The following NRXN3 variants were observed in gnomAD, a reference collection of about 807,000 sequenced individuals.
The protein encoded by NRXN3 is neurexin 3.
Under a neutral mutation model 137.6 loss-of-function variants are expected in NRXN3, and 32 were observed. The observed-to-expected ratio is 0.23, with a 90% confidence interval of 0.18 to 0.31. The LOEUF (loss-of-function observed/expected upper bound fraction) is 0.31, where lower values mean the gene tolerates loss of function less well. Among genes scored for constraint, NRXN3 ranks in the 10% least tolerant of loss-of-function variants. The pLI, the probability that NRXN3 is intolerant of heterozygous loss-of-function variation, is 1.00. For synonymous variants in NRXN3, 798 were observed against 784.5 expected, an observed-to-expected ratio of 1.02 and a Z score of -0.29; for missense variants, 1,574 against 2,062.5, an observed-to-expected ratio of 0.76 and a Z score of 4.59.
At chr14:79,484,261 G>T (rs958818359) in intron 16 of NRXN3, among the ~76,000 whole-genome samples, 1 of 152,180 alleles carries the variant, frequency 6.6e-6, no homozygotes, top group African/African-American at 2.4e-5. Context: ...TTGGTGATTT[G>T]CATACAGAAG....
At chr14:78,927,576 G>C (rs2099309394) in intron 10 of NRXN3, among the ~76,000 whole-genome samples, 1 of 152,054 alleles carries the variant, frequency 6.6e-6, no homozygotes, top group African/African-American at 2.4e-5. Flanking sequence ...TGAGAGTTTT[G>C]GCTCTTGAGC....
intron 4 of NRXN3, among the ~76,000 whole-genome samples, chr14:78,459,445 G>T (rs897341327): frequency 6.6e-6 from 1 of 152,176 alleles, no homozygotes; most frequent in Non-Finnish European, 1.5e-5. Flanking sequence ...AATCTCATCA[G>T]CCTCTCGTCC....
At chr14:79,219,207 C>T (rs1475902821) in intron 15 of NRXN3, among the ~76,000 whole-genome samples, 1 of 152,168 alleles carries the variant, frequency 6.6e-6, no homozygotes, top group African/African-American at 2.4e-5. Context: ...ACTGTAATCT[C>T]GAACTCCTGC....
Position 79,711,091 on chromosome 14 carries a change from T to TATG in NRXN3, c.4014+13155_4014+13157dup, listed in dbSNP as rs1179116312. On this transcript the variant is annotated intron_variant, in intron 19 of 20. Transcript: ENST00000335750. Reference sequence around the variant, plus strand: ...GACCAAATTTCAAATGTAAACAATATATGTTTTGACTAAAAAAGACAGAAA... The same window carrying TATG: ...GACCAAATTTCAAATGTAAACAATATATGATGTTTTGACTAAAAAAGACAGAAA... Among the ~76,000 whole-genome samples the TATG allele has an allele frequency of 2.0e-5, 3 of 152,292 alleles. No individual in the cohort carries two copies. The East Asian group carries it at 5.8e-4, about 29-fold the overall frequency.
At chr14:79,131,820 A>T (rs2057526928) in intron 15 of NRXN3, among the ~76,000 whole-genome samples, 3 of 152,214 alleles carry the variant, frequency 2.0e-5, no homozygotes. Context: ...CTGTGCTAGC[A>T]ATCAGAGAGA....
At chr14:78,313,487 T>C (rs2078212924) in intron 4 of NRXN3, among the ~76,000 whole-genome samples, 1 of 152,216 alleles carries the variant, frequency 6.6e-6, no homozygotes, top group Admixed American at 6.5e-5. Context: ...ATAAAGGTTT[T>C]TTTTTTTAAC....
chr14:79,062,264 C>G (rs1421116396), intron 15 of NRXN3, among the ~76,000 whole-genome samples: 1 of 152,060 alleles, frequency 6.6e-6, no homozygotes, highest in African/African-American at 2.4e-5. Flanking sequence ...TGCCAATTTC[C>G]CTCTCATGCT....
At chr14:78,692,884 G>T (rs561431560) in intron 6 of NRXN3, among the ~76,000 whole-genome samples, 1 of 151,878 alleles carries the variant, frequency 6.6e-6, no homozygotes, top group Non-Finnish European at 1.5e-5. Context: ...AGTTCAAGAC[G>T]AGCCTGGCCA....
At chr14:79,201,238 G>A (rs139273199) in intron 15 of NRXN3, 18 of 152,198 alleles carry the variant, frequency 1.2e-4, no homozygotes, top group Non-Finnish European at 2.1e-4. Context: ...TAATAGATGA[G>A]TAATAAATCT....
chr14:78,720,527 T>C (rs183391532), intron 8 of NRXN3, among the ~76,000 whole-genome samples: 1 of 152,312 alleles, frequency 6.6e-6, no homozygotes, highest in Non-Finnish European at 1.5e-5. Flanking sequence ...CCCTTCTTGG[T>C]AAATGGCATC....
chr14:79,146,627 T>C (rs890247584), intron 15 of NRXN3, among the ~76,000 whole-genome samples: 4 of 152,004 alleles, frequency 2.6e-5, no homozygotes, highest in African/African-American at 9.7e-5. Context: ...GAAAAGAGCG[T>C]GCATCACAAA....
rs144946112 is a variant in NRXN3, at chr14:79,857,930, T to C, written c.4094-3412T>C. Among the ~76,000 whole-genome samples, 431 of 152,280 alleles carry C rather than the reference T, an allele frequency of 2.8e-3. 1 individual carries two copies. The highest frequency in any genetic ancestry group is 0.01 in the African/African-American group (421 of 41,560). ...TATCATTTATCATTTTTATCGCTGCTACCGAGATTAATAACAAAATGGCAA... is the reference window on the plus strand; with the variant it reads ...TATCATTTATCATTTTTATCGCTGCCACCGAGATTAATAACAAAATGGCAA... On this transcript the variant is annotated intron_variant, in intron 20 of 20. Transcript: ENST00000335750.
At chr14:78,585,491 G>A (rs2097053470) in intron 4 of NRXN3, among the ~76,000 whole-genome samples, 3 of 152,250 alleles carry the variant, frequency 2.0e-5, no homozygotes, top group Admixed American at 2.0e-4. Flanking sequence ...CTCCTGCGGA[G>A]TGTGGATAGA....
chr14:78,506,961 C>A (rs1342644678), intron 4 of NRXN3, among the ~76,000 whole-genome samples: 1 of 152,072 alleles, frequency 6.6e-6, no homozygotes, highest in African/African-American at 2.4e-5. Context: ...ATTTCTTAAT[C>A]AGGCTTTTTT....
At chr14:78,360,179 C>T (rs1252245701) in intron 4 of NRXN3, among the ~76,000 whole-genome samples, 1 of 152,138 alleles carries the variant, frequency 6.6e-6, no homozygotes, top group Non-Finnish European at 1.5e-5. Context: ...CAGACCCCAT[C>T]CTGAGCTTCT....
intron 15 of NRXN3, among the ~76,000 whole-genome samples, chr14:79,331,840 CTGTG>C (rs58746209): frequency 0.48 from 71,726 of 148,622 alleles, 17,478 homozygotes; most frequent in Admixed American, 0.57. Flanking sequence ...AAGGCTTTTG[CTGTG>C]TGTGTGTGTG....
At chr14:78,297,272 A>G (rs138267329) in intron 3 of NRXN3, among the ~76,000 whole-genome samples, 352 of 152,308 alleles carry the variant, frequency 2.3e-3, no homozygotes, top group African/African-American at 4.6e-3. Flanking sequence ...CTTATTTGAT[A>G]CATTCCATAT....
At chr14:78,432,886 A>G (rs544994796) in intron 4 of NRXN3, among the ~76,000 whole-genome samples, 1 of 152,338 alleles carries the variant, frequency 6.6e-6, no homozygotes, top group South Asian at 2.1e-4. Context: ...TGATCCTGTA[A>G]GAAGACCCGT....
At position 79,863,150 on chromosome 14, in the gene NRXN3, G is replaced by C. The variant is rs189544350; in HGVS notation, c.*1186G>C. 3 of 152,480 alleles carry C rather than the reference G, an allele frequency of 2.0e-5. No individual in the cohort carries two copies. Among genetic ancestry groups the C allele is most frequent in the Non-Finnish European group, 4.4e-5 (3 of 68,016 alleles). The allele number at this position is 152,480 out of a possible 1,614,324, so 9.4% of individuals were successfully genotyped here. A position where few individuals can be genotyped will look rare whatever the true frequency, so the allele number is the denominator to read the frequency against. On this transcript the variant is annotated 3_prime_UTR_variant, in exon 21 of 21. Coordinates refer to ENST00000335750, the MANE Select transcript of NRXN3 (RefSeq NM_001330195.2). ...AAACACATAGTTCTTTCCCCGCCCC[G>C]AATGTGACAATGGTTTTCATAGTGG... is the stretch of plus-strand genomic sequence containing the variant.
Sources: gnomAD v4.1 joint callset for allele counts (sites outside exome capture counted in the v4.1 genomes callset) on GRCh38, gnomAD v4.1.1 for gene constraint, MANE v1.5 for transcripts, NCBI Gene and HGNC (gene_info 2026-07-23, HGNC 2026-07-21) for gene names.